Variants in AGMO observed in about 807,000 individuals in gnomAD.
AGMO encodes glyceryl-ether monooxygenase.
AGMO carries 75 observed loss-of-function variants against 60.2 expected under a neutral mutation model. The observed-to-expected ratio is 1.25, with a 90% CI of 1.03 to 1.51. The LOEUF is 1.51. Ranked by LOEUF, AGMO falls within the 40% of genes most tolerant of loss-of-function variation. The pLI is 0.00. For missense variants in AGMO, 763 were observed against 525.5 expected, an observed-to-expected ratio of 1.45 and a Z score of -4.42; for synonymous variants, 261 against 177.1, an observed-to-expected ratio of 1.47 and a Z score of -3.76.
chr7:15,392,955 T>G (rs954032335), intron 6 of AGMO, among the ~76,000 whole-genome samples: 1 of 152,234 alleles, frequency 6.6e-6, no homozygotes. Flanking sequence ...GCCTGTTTCC[T>G]AAGTGTTGAA....
chr7:15,482,445 A>T (rs931979951), intron 3 of AGMO, among the ~76,000 whole-genome samples: 12 of 152,172 alleles, frequency 7.9e-5, no homozygotes, highest in South Asian at 2.1e-4. Flanking sequence ...TATATCAAAA[A>T]GGAAATAATA....
At chr7:15,467,354 A>G (rs1324415904) in intron 3 of AGMO, among the ~76,000 whole-genome samples, 4 of 152,242 alleles carry the variant, frequency 2.6e-5, no homozygotes, top group Non-Finnish European at 5.9e-5. Context: ...CAAACCCATC[A>G]GATTTAACTC....
the AGMO span, among the ~76,000 whole-genome samples, chr7:15,170,336 T>A: frequency 1.3e-5 from 2 of 151,408 alleles, no homozygotes; most frequent in Admixed American, 1.3e-4. Flanking sequence ...TGAAATGAGA[T>A]GTATAAAAGG....
At chr7:15,322,915 C>G (rs1022950219) in intron 12 of AGMO, among the ~76,000 whole-genome samples, 4 of 146,082 alleles carry the variant, frequency 2.7e-5, no homozygotes, top group African/African-American at 7.5e-5. Flanking sequence ...TATATATACA[C>G]ATATATGTGT....
intron 12 of AGMO, among the ~76,000 whole-genome samples, chr7:15,244,046 C>G (rs1389129816): frequency 6.6e-6 from 1 of 152,112 alleles, no homozygotes; most frequent in East Asian, 1.9e-4. Context: ...GCTCTTTTGT[C>G]CTTTCCTAAA....
intron 12 of AGMO, among the ~76,000 whole-genome samples, chr7:15,294,590 AT>A (rs1276302552): frequency 6.6e-6 from 1 of 151,946 alleles, no homozygotes; most frequent in African/African-American, 2.4e-5. Context: ...ACTACAAAAT[AT>A]TTTCCTAAAA....
At chr7:15,276,562 T>G (rs67447446) in intron 12 of AGMO, among the ~76,000 whole-genome samples, 53,518 of 151,982 alleles carry the variant, frequency 0.35, 11,063 homozygotes, top group East Asian at 0.5. Flanking sequence ...TCAAATTTAT[T>G]GAATCTGGAT....
the AGMO span, among the ~76,000 whole-genome samples, chr7:15,117,232 C>A: frequency 6.6e-6 from 1 of 151,888 alleles, no homozygotes; most frequent in Non-Finnish European, 1.5e-5. Flanking sequence ...GGCAAACATA[C>A]AGCCACAGAA....
chr7:15,378,042 A>C (rs554929343), intron 10 of AGMO, among the ~76,000 whole-genome samples: 1 of 152,172 alleles, frequency 6.6e-6, no homozygotes, highest in East Asian at 1.9e-4. Flanking sequence ...TAAGAAAAAC[A>C]AACAGTAACT....
intron 3 of AGMO, among the ~76,000 whole-genome samples, chr7:15,461,958 A>C (rs572996611): frequency 6.6e-6 from 1 of 152,310 alleles, no homozygotes; most frequent in East Asian, 1.9e-4. Flanking sequence ...TATATACCAC[A>C]AATGGTCCAA....
chr7:15,544,930 G>T lies in AGMO; in HGVS notation c.258-7C>A. 3.4e-6 allele frequency: 5 copies of T among 1,490,198 alleles called. No individual in the cohort carries two copies. Among genetic ancestry groups the T allele is most frequent in the Non-Finnish European group, 4.5e-6 (5 of 1,113,412 alleles). 92.3% of individuals were successfully genotyped at this position (1,490,198 alleles called of 1,614,324 possible). A position where few individuals can be genotyped will look rare whatever the true frequency, so the allele number is the denominator to read the frequency against. On this transcript the variant is annotated splice_polypyrimidine_tract_variant and splice_region_variant and intron_variant, in intron 2 of 12. Coordinates refer to ENST00000342526, the MANE Select transcript of AGMO (RefSeq NM_001004320.2). ...AATGCTCCTGAAAAATAGACTGGAA[G>T]ATAAAATTCACAATCAGTGATTATA...
intron 12 of AGMO, among the ~76,000 whole-genome samples, chr7:15,202,248 CCTG>C (rs1464641384): frequency 1.3e-5 from 2 of 151,738 alleles, no homozygotes; most frequent in Non-Finnish European, 2.9e-5. Context: ...TATCACTATA[CCTG>C]GAAGATTCAC....
At chr7:15,533,190 A>T (rs1256537584) in intron 3 of AGMO, among the ~76,000 whole-genome samples, 6 of 152,136 alleles carry the variant, frequency 3.9e-5, no homozygotes, top group Admixed American at 1.3e-4. Flanking sequence ...AGATCTAAGT[A>T]ATATATATTG....
At chr7:15,327,828 C>T (rs543397042) in intron 12 of AGMO, among the ~76,000 whole-genome samples, 2 of 147,998 alleles carry the variant, frequency 1.4e-5, no homozygotes. Flanking sequence ...ATAGTGTTGC[C>T]ATCACAGCTC....
chr7:15,455,722 T>C (rs983645476), intron 3 of AGMO, among the ~76,000 whole-genome samples: 1 of 152,134 alleles, frequency 6.6e-6, no homozygotes, highest in Non-Finnish European at 1.5e-5. Context: ...TTTGAAGGCA[T>C]TGATACAGAG....
At chr7:15,196,324 C>T (rs544636634), downstream of AGMO, among the ~76,000 whole-genome samples, 1 of 152,212 alleles carries the variant, frequency 6.6e-6, no homozygotes, top group East Asian at 1.9e-4. Context: ...GTTGGGATTA[C>T]AGGTGTGAGC....
At chr7:15,382,678 G>C (rs1043478375) in intron 10 of AGMO, among the ~76,000 whole-genome samples, 1 of 152,158 alleles carries the variant, frequency 6.6e-6, no homozygotes, top group Non-Finnish European at 1.5e-5. Flanking sequence ...AGCCCTTTTA[G>C]AAGCGCTGCA....
chr7:15,344,939 A>C (rs551126544), intron 12 of AGMO, among the ~76,000 whole-genome samples: 1 of 152,334 alleles, frequency 6.6e-6, no homozygotes, highest in East Asian at 1.9e-4. Flanking sequence ...GATGCAAAGA[A>C]TGAGAACAAT....
At chr7:15,270,921 T>C (rs1783586810) in intron 12 of AGMO, among the ~76,000 whole-genome samples, 1 of 152,048 alleles carries the variant, frequency 6.6e-6, no homozygotes, top group South Asian at 2.1e-4. Context: ...GAATAGGGTG[T>C]CATTTTCCCC....
Sources: allele counts gnomAD v4.1 joint callset (sites outside exome capture counted in the v4.1 genomes callset), GRCh38; gene constraint gnomAD v4.1.1; transcripts MANE v1.5; gene names NCBI Gene and HGNC (gene_info 2026-07-23, HGNC 2026-07-21).